The following PCMTD1 variants were observed in gnomAD, a reference collection of about 807,000 sequenced individuals.
PCMTD1 encodes the protein protein-L-isoaspartate (D-aspartate) O-methyltransferase domain containing 1, also known as protein-L-isoaspartate O-methyltransferase domain-containing protein 1.
A neutral mutation model predicts 37.6 loss-of-function variants in PCMTD1; 12 were observed. The ratio of observed to expected loss-of-function variants is 0.32; its 90% CI spans 0.20 to 0.52. The LOEUF is 0.52. Among genes scored for constraint, PCMTD1 ranks in the 20% least tolerant of loss-of-function variants. PCMTD1 has a pLI of 0.97. For missense variants in PCMTD1, 235 were observed against 421.3 expected (o/e 0.56, Z 3.87); for synonymous variants, 117 against 135.8 (o/e 0.86, Z 0.96).
intron 1 of PCMTD1, among the ~76,000 whole-genome samples, chr8:51,884,892 T>G (rs930131377): frequency 6.6e-6 from 1 of 152,214 alleles, no homozygotes; most frequent in Non-Finnish European, 1.5e-5. Flanking sequence ...ATGGGCCTCT[T>G]CTTTGGGTGC....
chr8:51,861,287 C>A, intron 1 of PCMTD1, 41 bp from the exon 2 acceptor site: 1 of 1,309,590 alleles, frequency 7.6e-7, no homozygotes, highest in Non-Finnish European at 1.0e-6. Flanking sequence ...TAAATTAATG[C>A]TCAAAAGCAA....
chr8:51,839,198 C>CG (rs896099076), intron 3 of PCMTD1, among the ~76,000 whole-genome samples: 4 of 151,818 alleles, frequency 2.6e-5, no homozygotes, highest in African/African-American at 7.3e-5. Context: ...AAAAAAAAAT[C>CG]AACAGTCCTG....
chr8:51,897,980 G>A (rs367856813), intron 1 of PCMTD1, among the ~76,000 whole-genome samples: 2 of 152,006 alleles, frequency 1.3e-5, no homozygotes, highest in South Asian at 2.1e-4. Context: ...CACACTTGGA[G>A]ACTGGCTACC....
rs1563367741 is a variant in PCMTD1, at chr8:51,895,934, A to ATTTTTTTTTTTTTTTTT, written c.-96+2995_-96+2996insAAAAAAAAAAAAAAAAA. Reference sequence around the variant, plus strand: ...CTTTATTAATGTTAGTATTTGTCCCATTTCTTTTTTTTTTTTTTTTTTTTT... The same window carrying ATTTTTTTTTTTTTTTTT: ...CTTTATTAATGTTAGTATTTGTCCCATTTTTTTTTTTTTTTTTTTTCTTTTTTTTTTTTTTTTTTTTT... On this transcript the variant is annotated intron_variant, in intron 1 of 5. Coordinates refer to ENST00000522514, the MANE Select transcript of PCMTD1 (RefSeq NM_052937.4). The ATTTTTTTTTTTTTTTTT allele has an allele frequency of 9.4e-5, 11 of 116,670 alleles. 4 individuals are homozygous for ATTTTTTTTTTTTTTTTT. Among genetic ancestry groups the ATTTTTTTTTTTTTTTTT allele is most frequent in the African/African-American group, 6.8e-5 (2 of 29,520 alleles). 7.2% of individuals were successfully genotyped at this position (116,670 alleles called of 1,614,324 possible). A position where few individuals can be genotyped will look rare whatever the true frequency, so the allele number is the denominator to read the frequency against.
chr8:51,845,491 T>C (rs934933635), intron 3 of PCMTD1, 170 bp downstream of exon 3: 21 of 497,746 alleles, frequency 4.2e-5, no homozygotes, highest in Non-Finnish European at 6.5e-5. Context: ...GAATTACATA[T>C]AGTAAAAGTT....
chr8:51,872,534 T>C (rs2038653752), intron 1 of PCMTD1, among the ~76,000 whole-genome samples: 1 of 152,146 alleles, frequency 6.6e-6, no homozygotes, highest in Non-Finnish European at 1.5e-5. Context: ...AACAAAAATA[T>C]GTTCATTAAC....
chr8:51,875,958 GTGTC>G lies in PCMTD1; in HGVS notation c.-95-14716_-95-14713del, dbSNP rs1167219988. 4.4e-3 allele frequency among the ~76,000 whole-genome samples: 629 copies of G among 141,836 alleles called. 5 individuals are homozygous for G. Among genetic ancestry groups the G allele is most frequent in the East Asian group, 0.017 (76 of 4,580 alleles). The allele number at this position is 141,836 out of a possible 152,430, so 93.0% of individuals were successfully genotyped here. ...AATGTGTTTGTGTGTGTGTGTGTGT[GTGTC>G]TGTGTGTGTGTGTGTGCATGTGCGT... On this transcript the variant is annotated intron_variant, in intron 1 of 5. Coordinates refer to ENST00000522514, the MANE Select transcript of PCMTD1 (RefSeq NM_052937.4).
Position 51,898,977 on chromosome 8 carries a change from G to T in PCMTD1, c.-143C>A. The T allele has an allele frequency of 6.7e-7, 1 of 1,495,572 alleles. No individual in the cohort carries two copies. Among genetic ancestry groups the T allele is most frequent in the East Asian group, 2.7e-5 (1 of 36,510 alleles). The allele number at this position is 1,495,572 out of a possible 1,614,324, so 92.6% of individuals were successfully genotyped here. On this transcript the variant is annotated 5_prime_UTR_variant, in exon 1 of 6. Transcript: ENST00000522514. ...CAGGCCAGGCGCTAGGACTCGGCGG[G>T]GTCCGCAGCAGCCAGACGCCGCTAC...
intron 1 of PCMTD1, 126 bp from the exon 2 acceptor site, chr8:51,861,372 T>C (rs2038466830): frequency 1.5e-6 from 1 of 647,190 alleles, no homozygotes; most frequent in Non-Finnish European, 2.4e-6. Flanking sequence ...TCCAGCATAG[T>C]GTTAAACTCC....
At chr8:51,845,808 C>T (rs769545340) in intron 2 of PCMTD1, 45 bp from the exon 3 acceptor site, 4 of 1,326,604 alleles carry the variant, frequency 3.0e-6, no homozygotes, top group Non-Finnish European at 4.3e-6. Flanking sequence ...AATAATATGC[C>T]CTTACAGAGC....
chr8:51,848,172 T>C (rs950548579), intron 2 of PCMTD1, among the ~76,000 whole-genome samples: 1 of 151,980 alleles, frequency 6.6e-6, no homozygotes, highest in Non-Finnish European at 1.5e-5. Flanking sequence ...CAGGGCTGCA[T>C]AGATAGGAGT....
intron 1 of PCMTD1, among the ~76,000 whole-genome samples, chr8:51,881,191 C>A (rs2038786341): frequency 6.6e-6 from 1 of 152,250 alleles, no homozygotes. Context: ...AATAATCTCT[C>A]TTCTCCATGG....
At position 51,833,639 on chromosome 8, in the gene PCMTD1, G is replaced by A. The variant is rs148608602; in HGVS notation, c.461C>T (p.Ala154Val). The A allele has an allele frequency of 6.2e-7, 1 of 1,611,812 alleles. No individual in the cohort carries two copies. The highest frequency in any genetic ancestry group is 1.3e-5 in the African/African-American group (1 of 74,856). ...AFVVGNCLQIASDSHQYDRIY... is the reference protein window; with the variant it reads ...AFVVGNCLQIVSDSHQYDRIY... The stretch of plus-strand genomic sequence containing the variant: ...TCGATCATACTGATGACTGTCAGAA[G>A]CTATCTGGAGGCAATTACCAACAAC... The change falls in exon 4 of 6, where the codon GCT becomes GTT. Residue 154 changes from alanine to valine, a missense_variant. Coordinates refer to ENST00000522514, the MANE Select transcript of PCMTD1 (RefSeq NM_052937.4).
At chr8:51,851,516 T>C (rs1276156841) in intron 2 of PCMTD1, among the ~76,000 whole-genome samples, 1 of 152,198 alleles carries the variant, frequency 6.6e-6, no homozygotes, top group African/African-American at 2.4e-5. Context: ...AACCTATGAC[T>C]ATACCTCAAT....
intron 1 of PCMTD1, among the ~76,000 whole-genome samples, chr8:51,882,854 G>A (rs547178618): frequency 3.3e-5 from 5 of 150,550 alleles, no homozygotes; most frequent in African/African-American, 1.2e-4. Context: ...ACGGCCGGAC[G>A]CAGTGGCTCA....
intron 2 of PCMTD1, among the ~76,000 whole-genome samples, chr8:51,859,525 T>A (rs577986139): frequency 4.6e-4 from 70 of 152,246 alleles, no homozygotes; most frequent in African/African-American, 1.6e-3. Context: ...AAGGCTTCCA[T>A]CCCCACACTC....
At chr8:51,859,846 T>C (rs560025466) in intron 2 of PCMTD1, among the ~76,000 whole-genome samples, 1 of 152,308 alleles carries the variant, frequency 6.6e-6, no homozygotes, top group African/African-American at 2.4e-5. Flanking sequence ...TTCTCATCCT[T>C]ATTAACTTAG....
At chr8:51,877,171 A>C (rs1019068573) in intron 1 of PCMTD1, among the ~76,000 whole-genome samples, 1 of 152,186 alleles carries the variant, frequency 6.6e-6, no homozygotes, top group Non-Finnish European at 1.5e-5. Context: ...GAAAGCGTAC[A>C]CTCGCCGGCA....
At chr8:51,843,555 C>T (rs1466491415) in intron 3 of PCMTD1, among the ~76,000 whole-genome samples, 2 of 150,164 alleles carry the variant, frequency 1.3e-5, no homozygotes, top group Non-Finnish European at 3.0e-5. Context: ...GAAAATAAAA[C>T]TAAAGAAACA....
Sources: allele counts gnomAD v4.1 joint callset (sites outside exome capture counted in the v4.1 genomes callset), GRCh38; gene constraint gnomAD v4.1.1; transcripts MANE v1.5; gene names NCBI Gene and HGNC (gene_info 2026-07-23, HGNC 2026-07-21).